NKAIN2: variants seen among roughly 807,000 people sequenced by gnomAD.
The protein encoded by NKAIN2 is sodium/potassium transporting ATPase interacting 2, also known as sodium/potassium-transporting ATPase subunit beta-1-interacting protein 2.
NKAIN2 carries 14 observed loss-of-function variants against 32.6 expected under a neutral mutation model. That is an observed-to-expected ratio of 0.43 (90% confidence interval 0.28 to 0.67). The LOEUF is 0.67. NKAIN2 is among the 30% of genes least tolerant of loss of function. The probability of loss-of-function intolerance (pLI) is 0.17; values close to 1 mark genes in which losing one functional copy is unlikely to be tolerated. For synonymous variants in NKAIN2, 80 were observed against 87.2 expected (o/e 0.92, Z 0.46); for missense variants, 198 against 258.3 (o/e 0.77, Z 1.60).
chr6:123,986,337 G>A (rs1779133888), intron 1 of NKAIN2, among the ~76,000 whole-genome samples: 1 of 152,084 alleles, frequency 6.6e-6, no homozygotes, highest in Non-Finnish European at 1.5e-5. Flanking sequence ...GACTGCTATC[G>A]TAGAAGGGCC....
At position 124,149,216 on chromosome 6, in the gene NKAIN2, G is replaced by T. The variant is rs181174267; in HGVS notation, c.55-133789G>T. ...ATATATTCTGAATATAAAGCCTTTGGCAGATAGGTGATTTGCAAATAGTTT... is the reference window on the plus strand; with the variant it reads ...ATATATTCTGAATATAAAGCCTTTGTCAGATAGGTGATTTGCAAATAGTTT... On this transcript the variant is annotated intron_variant, in intron 1 of 6. Coordinates refer to ENST00000368417, the MANE Select transcript of NKAIN2 (RefSeq NM_001040214.3). Among the ~76,000 whole-genome samples, 175 of 152,076 alleles carry T rather than the reference G, an allele frequency of 1.2e-3. 1 individual carries two copies. Among genetic ancestry groups the T allele is most frequent in the African/African-American group, 3.9e-3 (160 of 41,514 alleles).
At chr6:124,373,608 C>T (rs1194398290) in intron 3 of NKAIN2, among the ~76,000 whole-genome samples, 1 of 152,092 alleles carries the variant, frequency 6.6e-6, no homozygotes, top group Non-Finnish European at 1.5e-5. Context: ...TGCAACTTCT[C>T]ATGTCTGAAG....
At chr6:124,007,872 A>G (rs1104940) in intron 1 of NKAIN2, among the ~76,000 whole-genome samples, 81,756 of 152,058 alleles carry the variant, frequency 0.54, 22,189 homozygotes, top group East Asian at 0.59. Flanking sequence ...TCACTGAGCC[A>G]CACTCTATGC....
intron 1 of NKAIN2, among the ~76,000 whole-genome samples, chr6:124,213,951 A>G (rs1406514267): frequency 6.6e-6 from 1 of 152,202 alleles, no homozygotes; most frequent in African/African-American, 2.4e-5. Context: ...GCTAATTTGG[A>G]TAATAGCTTT....
At chr6:124,544,794 G>C (rs886707529) in intron 3 of NKAIN2, among the ~76,000 whole-genome samples, 3 of 152,098 alleles carry the variant, frequency 2.0e-5, no homozygotes, top group African/African-American at 7.2e-5. Flanking sequence ...GAGATCCCTA[G>C]CTTTTAAATT....
chr6:124,765,768 A>G (rs758330037), intron 4 of NKAIN2, among the ~76,000 whole-genome samples: 2 of 152,152 alleles, frequency 1.3e-5, no homozygotes, highest in African/African-American at 2.4e-5. Flanking sequence ...GTCCTCCTTA[A>G]TCTCATTAAA....
chr6:123,909,343 T>G (rs926588293), intron 1 of NKAIN2, among the ~76,000 whole-genome samples: 1 of 152,172 alleles, frequency 6.6e-6, no homozygotes, highest in East Asian at 1.9e-4. Flanking sequence ...AAAATTCAAG[T>G]CACGTCTTGC....
At chr6:123,937,302 TG>T (rs1475282965) in intron 1 of NKAIN2, among the ~76,000 whole-genome samples, 1 of 152,110 alleles carries the variant, frequency 6.6e-6, no homozygotes, top group Non-Finnish European at 1.5e-5. Flanking sequence ...GGATGTGTCT[TG>T]ATTTCTAGAA....
At chr6:124,073,002 A>G (rs1783529754) in intron 1 of NKAIN2, among the ~76,000 whole-genome samples, 3 of 152,204 alleles carry the variant, frequency 2.0e-5, no homozygotes, top group African/African-American at 7.2e-5. Context: ...CTTAGGAAAT[A>G]GACTCTGAAA....
At chr6:124,465,824 C>A (rs749828169) in intron 3 of NKAIN2, among the ~76,000 whole-genome samples, 2 of 151,868 alleles carry the variant, frequency 1.3e-5, no homozygotes, top group African/African-American at 4.8e-5. Context: ...TAATATATTG[C>A]ATCAATAGTT....
At chr6:123,877,444 G>A (rs1387906) in intron 1 of NKAIN2, among the ~76,000 whole-genome samples, 85,655 of 151,986 alleles carry the variant, frequency 0.56, 24,405 homozygotes, top group East Asian at 0.69. Context: ...ATATTCATCT[G>A]TAATTGGAAT....
At chr6:124,808,330 A>G (rs1780698130) in intron 5 of NKAIN2, among the ~76,000 whole-genome samples, 1 of 152,126 alleles carries the variant, frequency 6.6e-6, no homozygotes, top group African/African-American at 2.4e-5. Flanking sequence ...CTGGTTCAAT[A>G]TACGCAAATC....
chr6:123,965,890 T>A (rs545598390), intron 1 of NKAIN2, among the ~76,000 whole-genome samples: 1 of 152,306 alleles, frequency 6.6e-6, no homozygotes, highest in South Asian at 2.1e-4. Context: ...TCTAATTAAT[T>A]AGAGGGACTC....
intron 1 of NKAIN2, among the ~76,000 whole-genome samples, chr6:124,189,813 G>A (rs923438569): frequency 2.6e-5 from 4 of 152,172 alleles, no homozygotes; most frequent in Admixed American, 6.5e-5. Context: ...TTTACATGTT[G>A]CACACACGGA....
At chr6:124,692,857 T>C (rs1774324625) in intron 4 of NKAIN2, among the ~76,000 whole-genome samples, 1 of 152,134 alleles carries the variant, frequency 6.6e-6, no homozygotes, top group South Asian at 2.1e-4. Flanking sequence ...AAGTCAGTTA[T>C]GTGATGCCAG....
intron 1 of NKAIN2, among the ~76,000 whole-genome samples, chr6:123,903,908 C>T (rs144145507): frequency 0.014 from 2,015 of 140,902 alleles, 38 homozygotes; most frequent in African/African-American, 0.052. Flanking sequence ...GTCTATTATA[C>T]GCATTTTTTT....
rs1045903518 is a variant in NKAIN2, at chr6:124,707,978, T to C, written c.474+49592T>C. Among the ~76,000 whole-genome samples, 26 of 149,662 alleles carry C rather than the reference T, an allele frequency of 1.7e-4. 1 individual carries two copies. Among genetic ancestry groups the C allele is most frequent in the Non-Finnish European group, 6.0e-5 (4 of 66,906 alleles). ...TCTAGGGTTTTTATGGTTTTAGGTC[T>C]AACGTTTAAGTCTTTAATCCATCTT... On this transcript the variant is annotated intron_variant, in intron 4 of 6. Transcript: ENST00000368417.
At chr6:124,168,123 T>A (rs1306242754) in intron 1 of NKAIN2, among the ~76,000 whole-genome samples, 1 of 152,192 alleles carries the variant, frequency 6.6e-6, no homozygotes, top group Non-Finnish European at 1.5e-5. Context: ...TGGTTTATCA[T>A]CTCTTTGCAA....
intron 3 of NKAIN2, among the ~76,000 whole-genome samples, chr6:124,492,659 GTAT>G (rs1777910391): frequency 6.6e-6 from 1 of 151,836 alleles, no homozygotes; most frequent in Non-Finnish European, 1.5e-5. Flanking sequence ...TTAAATGAAT[GTAT>G]TATTATAATG....
Sources: allele counts gnomAD v4.1 joint callset (sites outside exome capture counted in the v4.1 genomes callset), GRCh38; gene constraint gnomAD v4.1.1; transcripts MANE v1.5; gene names NCBI Gene and HGNC (gene_info 2026-07-23, HGNC 2026-07-21).